EFCAB3: variants seen among roughly 807,000 people sequenced by gnomAD.
The protein encoded by EFCAB3 is EF-hand calcium-binding domain-containing protein 3.
Under a neutral mutation model 42.2 loss-of-function variants are expected in EFCAB3, and 36 were observed. That is an observed-to-expected ratio of 0.85 (90% confidence interval 0.65 to 1.13). EFCAB3 has a LOEUF of 1.13. Ranked by LOEUF, EFCAB3 falls within the 50% of genes most tolerant of loss-of-function variation. EFCAB3 has a pLI of 0.00. For missense variants in EFCAB3, 418 were observed against 505.1 expected (o/e 0.83, Z 1.65); for synonymous variants, 170 against 172.8 (o/e 0.98, Z 0.13).
chr17:62,396,851 C>G (rs189066355), intron 6 of EFCAB3, among the ~76,000 whole-genome samples: 54 of 152,206 alleles, frequency 3.5e-4, no homozygotes, highest in African/African-American at 1.2e-3. Flanking sequence ...TACACTCCAA[C>G]CTGGGCAACA....
intron 2 of EFCAB3, among the ~76,000 whole-genome samples, chr17:62,383,553 G>T (rs572212061): frequency 6.6e-6 from 1 of 152,220 alleles, no homozygotes; most frequent in East Asian, 1.9e-4. Context: ...TTTATTATAT[G>T]ATAACTTTAG....
chr17:62,394,436 A>G (rs2070331972), intron 5 of EFCAB3, among the ~76,000 whole-genome samples: 1 of 152,244 alleles, frequency 6.6e-6, no homozygotes, highest in Non-Finnish European at 1.5e-5. Flanking sequence ...CCTCAGTGCT[A>G]GGGCTGGAGA....
intron 1 of EFCAB3, chr17:62,381,799 G>C: frequency 2.3e-6 from 1 of 432,788 alleles, no homozygotes; most frequent in South Asian, 1.8e-5. Context: ...GAGGTTATCA[G>C]TGAGCTGAAT....
chr17:62,413,287 G>A (rs922656783), intron 8 of EFCAB3, among the ~76,000 whole-genome samples: 1 of 152,066 alleles, frequency 6.6e-6, no homozygotes, highest in Non-Finnish European at 1.5e-5. Context: ...ACAGTTCTCA[G>A]AAACATGAAA....
At chr17:62,405,346 T>C (rs2144104332) in intron 6 of EFCAB3, among the ~76,000 whole-genome samples, 1 of 152,324 alleles carries the variant, frequency 6.6e-6, no homozygotes, top group African/African-American at 2.4e-5. Flanking sequence ...ACATTTAGAA[T>C]GAGTCCTTTC....
intron 1 of EFCAB3, among the ~76,000 whole-genome samples, chr17:62,372,519 T>C (rs980571059): frequency 1.3e-5 from 2 of 151,626 alleles, no homozygotes. Flanking sequence ...TGGGTTCAAG[T>C]GATCTGCCTG....
At chr17:62,392,646 T>A (rs2070313706) in intron 4 of EFCAB3, among the ~76,000 whole-genome samples, 2 of 152,276 alleles carry the variant, frequency 1.3e-5, no homozygotes, top group South Asian at 2.1e-4. Context: ...TAATGTTTTT[T>A]TTTTTGTTTG....
chr17:62,409,119 G>A lies in EFCAB3; in HGVS notation c.867+1907G>A, dbSNP rs9915875. 9.8e-3 allele frequency among the ~76,000 whole-genome samples: 1,490 copies of A among 152,150 alleles called. 15 individuals are homozygous for A. Among genetic ancestry groups the A allele is most frequent in the African/African-American group, 0.034 (1,401 of 41,488 alleles). The stretch of plus-strand genomic sequence containing the variant: ...GTTGCCCAGGCTGGAATACAGTGGC[G>A]TGATCTTGGCTCACTACAACCTCCA... On this transcript the variant is annotated intron_variant, in intron 8 of 9. Transcript: ENST00000305286.
intron 6 of EFCAB3, among the ~76,000 whole-genome samples, chr17:62,397,034 A>G (rs1162712605): frequency 1.3e-5 from 2 of 151,970 alleles, no homozygotes; most frequent in Non-Finnish European, 2.9e-5. Context: ...CCAAGAGGGA[A>G]TGGTACCTAT....
At chr17:62,380,723 G>A (rs914146790) in intron 1 of EFCAB3, 110 bp downstream of exon 1, 1 of 511,768 alleles carries the variant, frequency 2.0e-6, no homozygotes, top group Non-Finnish European at 2.5e-6. Context: ...GAGGTATGGG[G>A]ATGATTTCAC....
intron 6 of EFCAB3, among the ~76,000 whole-genome samples, chr17:62,397,134 C>T (rs2070357030): frequency 6.6e-6 from 1 of 152,148 alleles, no homozygotes; most frequent in Non-Finnish European, 1.5e-5. Flanking sequence ...GAAATGTTAG[C>T]TGATGTTGGC....
intron 6 of EFCAB3, among the ~76,000 whole-genome samples, chr17:62,403,247 C>T (rs1175429546): frequency 6.6e-6 from 1 of 152,202 alleles, no homozygotes; most frequent in African/African-American, 2.4e-5. Flanking sequence ...TCACTGCTCT[C>T]TCATTCCCTA....
Position 62,391,929 on chromosome 17 carries a change from G to T in EFCAB3, c.259G>T (p.Asp87Tyr). 6.2e-7 allele frequency: 1 copy of T among 1,612,426 alleles called. No homozygotes were observed. The highest frequency in any genetic ancestry group is 8.5e-7 in the Non-Finnish European group (1 of 1,178,940). ...GCTGGGAATGAATCTGACCAAGCAT[G>T]ATGTCTATAATGAATTGAAATGTGC... ...AKLGMNLTKH[D>Y]VYNELKCADI... is the part of the protein sequence containing the mutation. Residue 87 changes from aspartate (D) to tyrosine (Y), a missense_variant, in exon 4 of 10, where the codon GAT becomes TAT. Transcript: ENST00000305286.
chr17:62,388,189 C>T (rs1009892217), intron 3 of EFCAB3, among the ~76,000 whole-genome samples: 2 of 151,376 alleles, frequency 1.3e-5, no homozygotes, highest in African/African-American at 2.4e-5. Context: ...CCAGCCTGGG[C>T]GACAAAGCGA....
chr17:62,401,463 G>A (rs1442627530), intron 6 of EFCAB3, among the ~76,000 whole-genome samples: 1 of 152,120 alleles, frequency 6.6e-6, no homozygotes, highest in Non-Finnish European at 1.5e-5. Context: ...ATTAATTTTT[G>A]TATAAGGTGT....
At chr17:62,413,971 C>T in intron 9 of EFCAB3, 117 bp downstream of exon 9, 2 of 1,195,502 alleles carry the variant, frequency 1.7e-6, no homozygotes. Context: ...TAAAATGAGA[C>T]AAGGTTGTTT....
At chr17:62,401,004 A>T (rs1331473881) in intron 6 of EFCAB3, among the ~76,000 whole-genome samples, 6 of 151,968 alleles carry the variant, frequency 3.9e-5, no homozygotes, top group African/African-American at 9.7e-5. Context: ...ATGGTATCTC[A>T]TTGTGGTTTT....
Position 62,413,776 on chromosome 17 carries a change from TAAC to T in EFCAB3, c.914_916del (p.Asn305del), listed in dbSNP as rs1221419794. On this transcript the variant is annotated inframe_deletion, in exon 9 of 10. Transcript: ENST00000305286. ...TGGACCCTGCCTCAGGTTATTCAAA[TAAC>T]ATCTTCACCATTGATCAAATGCTCA... 6.2e-7 allele frequency: 1 copy of T among 1,613,692 alleles called. No individual in the cohort carries two copies. The highest frequency in any genetic ancestry group is 8.5e-7 in the Non-Finnish European group (1 of 1,179,746).
intron 2 of EFCAB3, among the ~76,000 whole-genome samples, chr17:62,385,174 T>A (rs1418735409): frequency 6.6e-6 from 1 of 152,206 alleles, no homozygotes; most frequent in Non-Finnish European, 1.5e-5. Flanking sequence ...TTGGGCACAG[T>A]GGCACACACT....
Sources: gnomAD v4.1 joint callset for allele counts (sites outside exome capture counted in the v4.1 genomes callset) on GRCh38, gnomAD v4.1.1 for gene constraint, MANE v1.5 for transcripts, NCBI Gene and HGNC (gene_info 2026-07-23, HGNC 2026-07-21) for gene names.